ZBTB38: variants seen among roughly 807,000 people sequenced by gnomAD.
ZBTB38 encodes the protein zinc finger and BTB domain containing 38, also known as zinc finger and BTB domain-containing protein 38.
Under a neutral mutation model 76.8 loss-of-function variants are expected in ZBTB38, and 20 were observed. That is an observed-to-expected ratio of 0.26 (90% CI 0.18 to 0.38). The LOEUF is 0.38. Ranked by LOEUF, ZBTB38 falls within the 10% of genes least tolerant of loss-of-function variation. The pLI is 1.00. For synonymous variants in ZBTB38, 504 were observed against 544.2 expected (o/e 0.93, Z 1.03); for missense variants, 1,082 against 1,482.3 (o/e 0.73, Z 4.43).
chr3:141,430,257 G>A (rs556875528), intron 5 of ZBTB38, among the ~76,000 whole-genome samples: 46 of 152,068 alleles, frequency 3.0e-4, no homozygotes, highest in Admixed American at 8.5e-4. Flanking sequence ...AGTAGAGATG[G>A]GGTTTTGCCA....
intron 5 of ZBTB38, among the ~76,000 whole-genome samples, chr3:141,411,811 T>A (rs1325052613): frequency 6.6e-6 from 1 of 152,222 alleles, no homozygotes; most frequent in Non-Finnish European, 1.5e-5. Context: ...GCACCATAAA[T>A]TACCTAAATG....
At chr3:141,333,407 C>G (rs1373272699) in intron 1 of ZBTB38, among the ~76,000 whole-genome samples, 2 of 152,018 alleles carry the variant, frequency 1.3e-5, no homozygotes, top group African/African-American at 2.4e-5. Context: ...TGCTTGACAT[C>G]TACCAGCCCA....
chr3:141,375,323 A>G lies in ZBTB38; in HGVS notation c.-235+5377A>G, dbSNP rs973355056. On this transcript the variant is annotated intron_variant, in intron 2 of 5. Transcript: ENST00000321464. ...TTTAATGGCAAAGGTTGAACTAGAC[A>G]AAGGGCCCAGAGTCACCCAACCTTT... Among the ~76,000 whole-genome samples, 4 of 152,316 alleles carry G rather than the reference A, an allele frequency of 2.6e-5. No homozygotes were observed. In the East Asian group the frequency reaches 7.7e-4, roughly 29 times the overall value.
chr3:141,442,294 C>A lies in ZBTB38; in HGVS notation c.1-95C>A. The A allele has an allele frequency of 1.1e-6, 1 of 946,490 alleles. No homozygotes were observed. The highest frequency in any genetic ancestry group is 1.7e-5 in the South Asian group (1 of 59,440). 58.6% of individuals were successfully genotyped at this position (946,490 alleles called of 1,614,324 possible). On this transcript the variant is annotated intron_variant, in intron 5 of 5. Transcript: ENST00000321464. The surrounding 1 kb of genome is among the most constrained non-coding windows in gnomAD (Gnocchi z 6.4). ...TGAGATAAAAACCTGAAGTTTCATA[C>A]AAAAGAACAGTTTTTCACAGAAGTG...
intron 4 of ZBTB38, among the ~76,000 whole-genome samples, chr3:141,397,549 G>A (rs959063590): frequency 3.3e-5 from 5 of 152,240 alleles, no homozygotes; most frequent in Admixed American, 2.0e-4. Context: ...CTTGACTTTC[G>A]ACATACCTTC....
chr3:141,335,565 A>G (rs1942991264), intron 1 of ZBTB38, among the ~76,000 whole-genome samples: 1 of 152,242 alleles, frequency 6.6e-6, no homozygotes, highest in African/African-American at 2.4e-5. Flanking sequence ...TGTTTCAGGC[A>G]GCATGATGCC....
rs1951874185 is a variant in ZBTB38, at chr3:141,401,356, A to C, written c.-105-2571A>C. On this transcript the variant is annotated intron_variant, in intron 4 of 5. Transcript: ENST00000321464. ...ATATACATGTGTATGCATGTTGCCCAAACTGTCGGCCTTCAAAACTCTTCC... is the reference window on the plus strand; with the variant it reads ...ATATACATGTGTATGCATGTTGCCCCAACTGTCGGCCTTCAAAACTCTTCC... Among the ~76,000 whole-genome samples the C allele has an allele frequency of 2.7e-5, 4 of 149,824 alleles. No homozygotes were observed. The South Asian group carries it at 8.3e-4, about 31-fold the overall frequency.
At chr3:141,361,469 A>C (rs779461287) in intron 1 of ZBTB38, among the ~76,000 whole-genome samples, 1 of 152,212 alleles carries the variant, frequency 6.6e-6, no homozygotes, top group African/African-American at 2.4e-5. Context: ...GAACTGAGGA[A>C]GCTGAGGCTG....
chr3:141,388,611 G>C (rs1367280476), intron 4 of ZBTB38: 1 of 152,106 alleles, frequency 6.6e-6, no homozygotes, highest in South Asian at 2.1e-4. Flanking sequence ...TTAACACTGG[G>C]CCAGAACCTG....
At chr3:141,368,028 CA>C (rs1246073437), upstream of ZBTB38, among the ~76,000 whole-genome samples, 8 of 152,200 alleles carry the variant, frequency 5.3e-5, no homozygotes, top group African/African-American at 1.9e-4. Flanking sequence ...CACTGACCAC[CA>C]GGAGCTGCCC....
chr3:141,331,001 A>G (rs1449977088), intron 1 of ZBTB38, among the ~76,000 whole-genome samples: 2 of 152,250 alleles, frequency 1.3e-5, no homozygotes, highest in African/African-American at 4.8e-5. Context: ...TATAAGCAAC[A>G]GAAAACAGAC....
intron 1 of ZBTB38, among the ~76,000 whole-genome samples, chr3:141,327,690 T>C (rs1314616331): frequency 6.6e-6 from 1 of 152,216 alleles, no homozygotes; most frequent in African/African-American, 2.4e-5. Context: ...TAGTTAATGA[T>C]ACTATATCTG....
chr3:141,409,440 A>T (rs1955875978), intron 5 of ZBTB38, among the ~76,000 whole-genome samples: 1 of 152,188 alleles, frequency 6.6e-6, no homozygotes, highest in African/African-American at 2.4e-5. Context: ...ACATAGTGAG[A>T]GTATGAAACA....
intron 5 of ZBTB38, among the ~76,000 whole-genome samples, chr3:141,424,268 C>T (rs1321087216): frequency 6.6e-6 from 1 of 152,150 alleles, no homozygotes. Flanking sequence ...CCTGTAATCC[C>T]AGCACTTTGG....
chr3:141,405,948 G>A (rs1437390916), intron 5 of ZBTB38, among the ~76,000 whole-genome samples: 1 of 152,224 alleles, frequency 6.6e-6, no homozygotes, highest in Non-Finnish European at 1.5e-5. Flanking sequence ...TTGAGAAAAA[G>A]CATCTAAGCA....
At chr3:141,367,187 G>T (rs1944001329), upstream of ZBTB38, 1 of 152,278 alleles carries the variant, frequency 6.6e-6, no homozygotes, top group Non-Finnish European at 1.5e-5. Context: ...GTCCACCCCA[G>T]ATGGACTGAC....
intron 4 of ZBTB38, among the ~76,000 whole-genome samples, chr3:141,403,411 G>T (rs1046487615): frequency 1.3e-5 from 2 of 152,206 alleles, no homozygotes; most frequent in Non-Finnish European, 2.9e-5. Flanking sequence ...TTCTAAGATT[G>T]TGGGATCAGT....
chr3:141,351,703 G>A (rs1216709033), intron 1 of ZBTB38, among the ~76,000 whole-genome samples: 1 of 129,898 alleles, frequency 7.7e-6, no homozygotes. Context: ...CTGGGTAACA[G>A]AGCAAGACTC....
chr3:141,359,681 A>G (rs1409752429), intron 1 of ZBTB38, among the ~76,000 whole-genome samples: 6 of 152,254 alleles, frequency 3.9e-5, no homozygotes, highest in South Asian at 2.1e-4. Flanking sequence ...CTGTAATCCC[A>G]GCACTTTGGG....
Sources: gnomAD v4.1 joint callset for allele counts (sites outside exome capture counted in the v4.1 genomes callset) on GRCh38, gnomAD v4.1.1 for gene constraint, Gnocchi (gnomAD v3.1) non-coding constraint, MANE v1.5 for transcripts, NCBI Gene and HGNC (gene_info 2026-07-23, HGNC 2026-07-21) for gene names.